PGM1: variants seen among roughly 807,000 people sequenced by gnomAD.
PGM1 encodes the protein phosphoglucomutase 1.
A neutral mutation model predicts 55.6 loss-of-function variants in PGM1; 52 were observed. The ratio of observed to expected loss-of-function variants is 0.94; its 90% CI spans 0.75 to 1.18. The LOEUF (loss-of-function observed/expected upper bound fraction) is 1.18. Among genes scored for constraint, PGM1 ranks in the 50% most tolerant of loss-of-function variants. PGM1 has a pLI of 0.00. For synonymous variants in PGM1, 287 were observed against 271.7 expected, an observed-to-expected ratio of 1.06 and a Z score of -0.55; for missense variants, 724 against 729.3, an observed-to-expected ratio of 0.99 and a Z score of 0.08.
chr1:63,593,856 C>T (rs968338359), intron 1 of PGM1, 122 bp downstream of exon 1: 8 of 1,302,024 alleles, frequency 6.1e-6, no homozygotes, highest in African/African-American at 1.6e-5. Context: ...TTTCCACCTC[C>T]CGCTCCTCCC....
Position 63,651,779 on chromosome 1 carries a change from A to G in PGM1, c.1391A>G (p.Lys464Arg), listed in dbSNP as rs918557580. ...FVGKQFSANDKVYTVEKADNF... is the reference protein window; with the variant it reads ...FVGKQFSANDRVYTVEKADNF... The stretch of plus-strand genomic sequence containing the variant: ...GGGAAGCAGTTCTCAGCAAATGACA[A>G]AGTTTACACTGTGGAGAAGGCCGAT... Residue 464 changes from lysine (K) to arginine (R), a missense_variant, in exon 9 of 11, where the codon AAA (lysine) becomes AGA (arginine). Lys to Arg is a conservative substitution (Grantham distance 26). Around this residue, in one of 3 missense-constraint regions of PGM1, gnomAD observed 316 missense variants for 313.1 expected, o/e 1.01. Transcript: ENST00000371084. The G allele has an allele frequency of 1.9e-6, 3 of 1,613,880 alleles. No individual in the cohort carries two copies. Among genetic ancestry groups the G allele is most frequent in the Non-Finnish European group, 2.5e-6 (3 of 1,179,936 alleles).
chr1:63,657,301 C>T (rs1005828431), intron 10 of PGM1, among the ~76,000 whole-genome samples: 2 of 152,080 alleles, frequency 1.3e-5, no homozygotes, highest in South Asian at 2.1e-4. Flanking sequence ...CTGTGTGTCC[C>T]TGGGTAAGTT....
intron 10 of PGM1, among the ~76,000 whole-genome samples, chr1:63,655,140 CTT>C (rs61138702): frequency 3.5e-5 from 5 of 142,938 alleles, no homozygotes; most frequent in African/African-American, 7.6e-5. Flanking sequence ...TGCTCATTTC[CTT>C]TTTTTTTTTT....
chr1:63,654,655 C>T (rs1237847322), intron 10 of PGM1, among the ~76,000 whole-genome samples, 189 bp downstream of exon 10: 1 of 152,020 alleles, frequency 6.6e-6, no homozygotes, highest in Non-Finnish European at 1.5e-5. Context: ...AATAGGGAGG[C>T]TGAGGTGGGA....
In PGM1 at chr1:63,659,831, C is replaced by T; in HGVS notation, c.*156C>T. The T allele has an allele frequency of 1.5e-6, 1 of 687,504 alleles. No individual in the cohort carries two copies. The highest frequency in any genetic ancestry group is 2.7e-6 in the Non-Finnish European group (1 of 373,434). The allele number at this position is 687,504 out of a possible 1,614,324, so 42.6% of individuals were successfully genotyped here. A position where few individuals can be genotyped will look rare whatever the true frequency, so the allele number is the denominator to read the frequency against. On this transcript the variant is annotated 3_prime_UTR_variant, in exon 11 of 11. Coordinates refer to ENST00000371084, the MANE Select transcript of PGM1 (RefSeq NM_002633.3). ...GAGCAGTGCATTTACAAGGCACTGC[C>T]AAACAAGATGCCCTTGGGAGCTGTG... is the stretch of plus-strand genomic sequence containing the variant.
intron 7 of PGM1, among the ~76,000 whole-genome samples, chr1:63,640,534 C>T (rs1405663809): frequency 6.6e-6 from 1 of 152,006 alleles, no homozygotes; most frequent in Non-Finnish European, 1.5e-5. Flanking sequence ...ATATCATCAC[C>T]ACAATAATGA....
At chr1:63,641,420 C>T (rs1179901184) in intron 7 of PGM1, among the ~76,000 whole-genome samples, 1 of 152,158 alleles carries the variant, frequency 6.6e-6, no homozygotes, top group Non-Finnish European at 1.5e-5. Flanking sequence ...TCCTGATCTT[C>T]TTATTTATAG....
At chr1:63,659,557 G>A (rs1392376468) in intron 10 of PGM1, 29 bp from the exon 11 acceptor site, 1 of 1,571,374 alleles carries the variant, frequency 6.4e-7, no homozygotes, top group Non-Finnish European at 8.8e-7. Context: ...AGGAAGTGAT[G>A]GAAAAGCTTC....
At chr1:63,604,735 T>C (rs1648363156) in intron 1 of PGM1, among the ~76,000 whole-genome samples, 1 of 152,068 alleles carries the variant, frequency 6.6e-6, no homozygotes, top group African/African-American at 2.4e-5. Context: ...AACACAGCAC[T>C]CCTTTCCAGT....
chr1:63,639,897 A>T (rs1180437243), intron 7 of PGM1, among the ~76,000 whole-genome samples: 12 of 152,210 alleles, frequency 7.9e-5, no homozygotes, highest in Admixed American at 7.9e-4. Context: ...GAGTGGTAAT[A>T]TTCCTTGGCA....
chr1:63,606,908 C>A (rs1169214135), intron 1 of PGM1, among the ~76,000 whole-genome samples: 2 of 152,220 alleles, frequency 1.3e-5, no homozygotes, highest in African/African-American at 2.4e-5. Flanking sequence ...TCCAACCCCA[C>A]TTTAGAAAGG....
chr1:63,628,912 G>A (rs569838905), intron 1 of PGM1, among the ~76,000 whole-genome samples: 1 of 152,300 alleles, frequency 6.6e-6, no homozygotes, highest in South Asian at 2.1e-4. Flanking sequence ...AGCTTGACTG[G>A]AAAGATAAAT....
At chr1:63,609,890 A>G (rs1395013007) in intron 1 of PGM1, among the ~76,000 whole-genome samples, 2 of 152,152 alleles carry the variant, frequency 1.3e-5, no homozygotes, top group African/African-American at 2.4e-5. Context: ...GATGTTTGGT[A>G]GGTTAGGTGG....
At chr1:63,648,021 T>C (rs1649700567) in intron 7 of PGM1, among the ~76,000 whole-genome samples, 1 of 152,234 alleles carries the variant, frequency 6.6e-6, no homozygotes, top group Non-Finnish European at 1.5e-5. Context: ...TGATTCCTCC[T>C]GTATACCCAA....
Position 63,621,861 on chromosome 1 carries a change from C to A in PGM1, c.247-7564C>A, listed in dbSNP as rs181487718. Among the ~76,000 whole-genome samples, 149 of 152,204 alleles carry A rather than the reference C, an allele frequency of 9.8e-4. 1 individual carries two copies. The highest frequency in any genetic ancestry group is 3.4e-3 in the African/African-American group (140 of 41,534). ...CAGTGGCCTACTTTCTGCTTGTGAG[C>A]CTGTTATTCCTGCTGGTCTTGTGCA... On this transcript the variant is annotated intron_variant, in intron 1 of 10. Coordinates refer to ENST00000371084, the MANE Select transcript of PGM1 (RefSeq NM_002633.3).
intron 4 of PGM1, among the ~76,000 whole-genome samples, chr1:63,633,937 T>TATTTTTATTTA (rs1557433792): frequency 0.018 from 1,638 of 90,092 alleles, 109 homozygotes; most frequent in African/African-American, 0.079. Context: ...TATATATTTT[T>TATTTTTATTTA]TTTTTTTTTT....
At chr1:63,615,096 C>T (rs1398813330) in intron 1 of PGM1, among the ~76,000 whole-genome samples, 1 of 152,208 alleles carries the variant, frequency 6.6e-6, no homozygotes, top group African/African-American at 2.4e-5. Context: ...CCCATTCCTC[C>T]AGTGCCTGGA....
At chr1:63,617,496 G>A (rs1248359576) in intron 1 of PGM1, among the ~76,000 whole-genome samples, 2 of 151,862 alleles carry the variant, frequency 1.3e-5, no homozygotes, top group East Asian at 1.9e-4. Context: ...CGCTTGAGAT[G>A]AGGAGTTCGA....
At chr1:63,650,789 A>T (rs1236641982) in intron 8 of PGM1, among the ~76,000 whole-genome samples, 1 of 152,162 alleles carries the variant, frequency 6.6e-6, no homozygotes, top group Non-Finnish European at 1.5e-5. Context: ...TTTGTGATGC[A>T]CTTTTTTCCT....
Sources: allele counts gnomAD v4.1 joint callset (sites outside exome capture counted in the v4.1 genomes callset), GRCh38; gene constraint gnomAD v4.1.1; regional missense constraint gnomAD v4.1.1; transcripts MANE v1.5; gene names NCBI Gene and HGNC (gene_info 2026-07-23, HGNC 2026-07-21).